Variants in BEGAIN observed in about 807,000 individuals in gnomAD.
The protein encoded by BEGAIN is brain enriched guanylate kinase associated.
BEGAIN carries 19 observed loss-of-function variants against 35.8 expected under a neutral mutation model. That is an observed-to-expected ratio of 0.53 (90% CI 0.37 to 0.78). The LOEUF (loss-of-function observed/expected upper bound fraction) is 0.78, where lower values mean the gene tolerates loss of function less well. Ranked by LOEUF, BEGAIN falls within the 30% of genes least tolerant of loss-of-function variation. The pLI is 0.00. For missense variants in BEGAIN, 795 were observed against 853.6 expected (o/e 0.93, Z 0.85); for synonymous variants, 462 against 388.6 (o/e 1.19, Z -2.22).
In BEGAIN at chr14:100,568,515, GT is replaced by G; in HGVS notation, c.43-577del. The stretch of plus-strand genomic sequence containing the variant: ...GGACCCGCTGCCCTCAGATTCTGGG[GT>G]TTTGGGCCTGGCTTGCCCCTCCCGG... On this transcript the variant is annotated intron_variant, in intron 1 of 6. Coordinates refer to ENST00000554140, the MANE Select transcript of BEGAIN (RefSeq NM_001385089.1). The surrounding 1 kb of genome is among the most constrained non-coding windows in gnomAD (Gnocchi z 7.5). 1 of 1,287,120 alleles carries G rather than the reference GT, an allele frequency of 7.8e-7. No individual in the cohort carries two copies. Among genetic ancestry groups the G allele is most frequent in the African/African-American group, 1.5e-5 (1 of 65,924 alleles). The allele number at this position is 1,287,120 out of a possible 1,614,324, so 79.7% of individuals were successfully genotyped here.
chr14:100,539,295 C>T lies in BEGAIN; in HGVS notation c.513G>A (p.Glu171=), dbSNP rs1377511553. 6.4e-7 allele frequency: 1 copy of T among 1,561,808 alleles called. No individual in the cohort carries two copies. The highest frequency in any genetic ancestry group is 1.2e-5 in the South Asian group (1 of 82,400). The change falls in exon 7 of 7, where the codon GAG becomes GAA. Residue 171 remains glutamate, a synonymous_variant. Transcript: ENST00000554140. The part of the protein sequence containing the change: ...KVSELPSDFQ[E]RVSLHMEKHG... Reference sequence around the variant, plus strand: ...GCTTCTCCATGTGCAGGCTCACGCGCTCCTGGAAATCCGAGGGCAGCTGGA... The same window carrying T: ...GCTTCTCCATGTGCAGGCTCACGCGTTCCTGGAAATCCGAGGGCAGCTGGA...
chr14:100,538,402 C>A lies in BEGAIN; in HGVS notation c.1406G>T (p.Gly469Val), dbSNP rs772257897. ...CTTGCCCGGGCTGCCCCCGGCCCCG[C>A]CGTAGTAGCGTTCAGAGAAGCTGCA... is the stretch of plus-strand genomic sequence containing the variant. ...SPCSFSERYY[G>V]GAGGSPGKKA... The change falls in exon 7 of 7, where the codon GGC becomes GTC. Residue 469 changes from glycine (G) to valine (V), a missense_variant. Transcript: ENST00000554140. 9.6e-6 allele frequency: 15 copies of A among 1,562,546 alleles called. No individual in the cohort carries two copies. Among genetic ancestry groups the A allele is most frequent in the Admixed American group, 3.9e-5 (2 of 51,746 alleles).
At chr14:100,560,079 G>A (rs2034107647) in intron 2 of BEGAIN, among the ~76,000 whole-genome samples, 1 of 152,234 alleles carries the variant, frequency 6.6e-6, no homozygotes, top group East Asian at 1.9e-4. Flanking sequence ...GCTGAATGGT[G>A]TGGGCAGGAG....
chr14:100,560,689 G>A (rs992014262), intron 2 of BEGAIN, among the ~76,000 whole-genome samples: 2 of 152,204 alleles, frequency 1.3e-5, no homozygotes, highest in African/African-American at 2.4e-5. Flanking sequence ...TGGCAAACCC[G>A]GACCATCACC....
intron 2 of BEGAIN, among the ~76,000 whole-genome samples, chr14:100,561,113 G>C (rs1281527866): frequency 2.0e-5 from 3 of 152,150 alleles, no homozygotes; most frequent in African/African-American, 7.2e-5. Flanking sequence ...CGCCTCCTCT[G>C]AAACACCCAG....
intron 2 of BEGAIN, among the ~76,000 whole-genome samples, chr14:100,557,308 G>C (rs2033836993): frequency 6.6e-6 from 1 of 152,374 alleles, no homozygotes; most frequent in African/African-American, 2.4e-5. Context: ...GTGAGACTCT[G>C]GCTCTGAGCC....
Position 100,567,845 on chromosome 14 carries a change from CT to C in BEGAIN, c.71+65del. On this transcript the variant is annotated intron_variant, in intron 2 of 6. Coordinates refer to ENST00000554140, the MANE Select transcript of BEGAIN (RefSeq NM_001385089.1). The surrounding 1 kb of genome is among the most constrained non-coding windows in gnomAD (Gnocchi z 5.1). ...CTCGGGTGGAGCCCCCTTCCCCCGCCTTCCCCAGCGCCCTCACCCCCGACCC... is the reference window on the plus strand; with the variant it reads ...CTCGGGTGGAGCCCCCTTCCCCCGCCTCCCCAGCGCCCTCACCCCCGACCC... 7.0e-7 allele frequency: 1 copy of C among 1,432,724 alleles called. No individual in the cohort carries two copies. The highest frequency in any genetic ancestry group is 9.3e-7 in the Non-Finnish European group (1 of 1,078,112). The allele number at this position is 1,432,724 out of a possible 1,614,324, so 88.8% of individuals were successfully genotyped here. A position where few individuals can be genotyped will look rare whatever the true frequency, so the allele number is the denominator to read the frequency against.
rs1280166015 is a variant in BEGAIN, at chr14:100,550,303, ACCTTCACCT to A, written c.72-3650_72-3642del. On this transcript the variant is annotated intron_variant, in intron 2 of 6. Coordinates refer to ENST00000554140, the MANE Select transcript of BEGAIN (RefSeq NM_001385089.1). ...GGCTGTGCCGCCGGCCCACGCCTTCACCTTCACCTTCTGGGCCTCTGCATCTGTCTCGGG... is the reference window on the plus strand; with the variant it reads ...GGCTGTGCCGCCGGCCCACGCCTTCATCTGGGCCTCTGCATCTGTCTCGGG... The A allele has an allele frequency of 1.0e-5, 4 of 397,052 alleles. No individual in the cohort carries two copies. In the Admixed American group the frequency reaches 1.3e-4, roughly 13 times the overall value. 24.6% of individuals were successfully genotyped at this position (397,052 alleles called of 1,614,324 possible). A position where few individuals can be genotyped will look rare whatever the true frequency, so the allele number is the denominator to read the frequency against.
chr14:100,566,980 G>A (rs1464411415), intron 2 of BEGAIN, among the ~76,000 whole-genome samples: 1 of 152,142 alleles, frequency 6.6e-6, no homozygotes, highest in Non-Finnish European at 1.5e-5. Flanking sequence ...CTAGACCTGG[G>A]CCCAGGCTGG....
Position 100,567,516 on chromosome 14 carries a change from G to C in BEGAIN, c.71+395C>G, listed in dbSNP as rs929766898. On this transcript the variant is annotated intron_variant, in intron 2 of 6. Transcript: ENST00000554140. This position sits in a 1 kb window ranked among gnomAD's most constrained non-coding sequence, Gnocchi z 5.1. ...TGGTGGTTGGGGGTGGGGTGGGGTC[G>C]GGGGAGAGAGCGCCGGGGCAGTGCG... is the stretch of plus-strand genomic sequence containing the variant. Among the ~76,000 whole-genome samples the C allele has an allele frequency of 1.3e-5, 2 of 152,002 alleles. No individual in the cohort carries two copies. Among genetic ancestry groups the C allele is most frequent in the African/African-American group, 4.8e-5 (2 of 41,500 alleles).
At chr14:100,542,511 G>A (rs1402072198) in intron 5 of BEGAIN, among the ~76,000 whole-genome samples, 6 of 152,118 alleles carry the variant, frequency 3.9e-5, no homozygotes, top group East Asian at 3.9e-4. Context: ...TGACATCTCC[G>A]CTCCAAGGGG....
chr14:100,540,521 T>C lies in BEGAIN; in HGVS notation c.467A>G (p.Tyr156Cys). Residue 156 changes from tyrosine to cysteine, a missense_variant, in exon 6 of 7, where the codon TAC (tyrosine) becomes TGC (cysteine). This residue lies in a region of BEGAIN where 73 missense variants were observed against 143.2 expected (regional missense o/e 0.51). Transcript: ENST00000554140. ...AAQLLQCSQTYGRVHKVSELP... is the reference protein window; with the variant it reads ...AAQLLQCSQTCGRVHKVSELP... ...CTCAGACACCTTGTGGACCCTGCCG[T>C]AGGTCTGGCTGCACTGCAGCAGCTG... The C allele has an allele frequency of 6.2e-7, 1 of 1,605,916 alleles. No homozygotes were observed. The highest frequency in any genetic ancestry group is 1.1e-5 in the South Asian group (1 of 89,642).
intron 2 of BEGAIN, among the ~76,000 whole-genome samples, chr14:100,562,907 C>T (rs113233224): frequency 0.01 from 1,598 of 152,318 alleles, 31 homozygotes; most frequent in African/African-American, 0.037. Context: ...GCGTCCTCAG[C>T]GCCGACAGCA....
chr14:100,576,478 C>T (rs756602253), intron 1 of BEGAIN, among the ~76,000 whole-genome samples: 11 of 152,220 alleles, frequency 7.2e-5, no homozygotes, highest in Non-Finnish European at 1.6e-4. Context: ...AGTCACCGTG[C>T]TCACCCGGAA....
intron 1 of BEGAIN, among the ~76,000 whole-genome samples, chr14:100,580,426 T>C (rs1334043619): frequency 6.6e-6 from 1 of 152,154 alleles, no homozygotes; most frequent in Non-Finnish European, 1.5e-5. Context: ...CTCTCTCTGC[T>C]ACCCTCCCGC....
intron 2 of BEGAIN, among the ~76,000 whole-genome samples, chr14:100,555,837 C>T (rs938201599): frequency 6.6e-6 from 1 of 152,174 alleles, no homozygotes; most frequent in Non-Finnish European, 1.5e-5. Flanking sequence ...TAGCCGTGCC[C>T]GCCCAGGCCT....
At position 100,560,117 on chromosome 14, in the gene BEGAIN, C is replaced by G. The variant is rs1371873560; in HGVS notation, c.71+7794G>C. Among the ~76,000 whole-genome samples, 6 of 152,342 alleles carry G rather than the reference C, an allele frequency of 3.9e-5. No homozygotes were observed. In the East Asian group the frequency reaches 1.2e-3, roughly 29 times the overall value. On this transcript the variant is annotated intron_variant, in intron 2 of 6. Coordinates refer to ENST00000554140, the MANE Select transcript of BEGAIN (RefSeq NM_001385089.1). ...GGTGGGTGGCTGAGCAGGCCCCAAC[C>G]TCAGCAGTCTCTGCTCTGCCACAGG... is the stretch of plus-strand genomic sequence containing the variant.
At chr14:100,550,524 G>A in intron 2 of BEGAIN, 1 of 399,044 alleles carries the variant, frequency 2.5e-6, no homozygotes, top group South Asian at 1.3e-4. Flanking sequence ...GGGCAAAGAG[G>A]ACAGAGCTGC....
At chr14:100,583,555 C>T (rs978563296) in intron 1 of BEGAIN, among the ~76,000 whole-genome samples, 1 of 152,024 alleles carries the variant, frequency 6.6e-6, no homozygotes, top group African/African-American at 2.4e-5. Flanking sequence ...TCAACTTTTC[C>T]ATCTGTCCAC....
Sources: gnomAD v4.1 joint callset for allele counts (sites outside exome capture counted in the v4.1 genomes callset) on GRCh38, gnomAD v4.1.1 for gene constraint, gnomAD v4.1.1 regional missense constraint, Gnocchi (gnomAD v3.1) non-coding constraint, MANE v1.5 for transcripts, NCBI Gene and HGNC (gene_info 2026-07-23, HGNC 2026-07-21) for gene names.